The following CDH9 variants were observed in gnomAD, a reference collection of about 807,000 sequenced individuals.
The protein encoded by CDH9 is cadherin 9.
A neutral mutation model predicts 70.9 loss-of-function variants in CDH9; 28 were observed. That is an observed-to-expected ratio of 0.40 (90% CI 0.29 to 0.54). CDH9 has a LOEUF of 0.54. CDH9 is among the 20% of genes least tolerant of loss of function. The pLI, the probability that CDH9 is intolerant of heterozygous loss-of-function variation, is 0.59. For synonymous variants in CDH9, 409 were observed against 343.1 expected (o/e 1.19, Z -2.12); for missense variants, 874 against 984.4 (o/e 0.89, Z 1.50).
At chr5:27,035,689 TGTGTGTG>T (rs1561048614) in intron 1 of CDH9, among the ~76,000 whole-genome samples, 3,499 of 150,738 alleles carry the variant, frequency 0.023, 149 homozygotes, top group African/African-American at 0.082. Flanking sequence ...TGTGTGTGTG[TGTGTGTG>T]TGTGTGTGTG....
intron 2 of CDH9, among the ~76,000 whole-genome samples, chr5:26,958,636 T>C (rs1476297195): frequency 6.6e-6 from 1 of 152,184 alleles, no homozygotes; most frequent in Non-Finnish European, 1.5e-5. Flanking sequence ...AAGAAGACAC[T>C]GCCTCAGTAC....
intron 2 of CDH9, among the ~76,000 whole-genome samples, chr5:26,925,485 C>G (rs1030572586): frequency 6.6e-6 from 1 of 152,090 alleles, no homozygotes; most frequent in Non-Finnish European, 1.5e-5. Context: ...AATATTTTCT[C>G]CCATTCTGTA....
intron 1 of CDH9, among the ~76,000 whole-genome samples, chr5:27,006,224 G>A (rs2112110694): frequency 6.6e-6 from 1 of 152,084 alleles, no homozygotes; most frequent in Middle Eastern, 3.4e-3. Context: ...ATGAAAGAGA[G>A]GTTTAGATAA....
intron 1 of CDH9, among the ~76,000 whole-genome samples, chr5:26,990,659 C>A (rs563154183): frequency 3.3e-5 from 5 of 152,122 alleles, no homozygotes; most frequent in African/African-American, 1.2e-4. Flanking sequence ...CCAGAACATG[C>A]CCCATGTTTT....
At chr5:26,902,928 A>G in intron 6 of CDH9, 199 bp from the exon 7 acceptor site, 1 of 501,568 alleles carries the variant, frequency 2.0e-6, no homozygotes, top group Non-Finnish European at 3.5e-6. Context: ...TTAACTTAAT[A>G]TAATGGCATA....
At chr5:27,006,369 G>C (rs1382425290) in intron 1 of CDH9, among the ~76,000 whole-genome samples, 1 of 152,030 alleles carries the variant, frequency 6.6e-6, no homozygotes, top group East Asian at 1.9e-4. Flanking sequence ...GGGCTCACTA[G>C]TTCATTAGTC....
chr5:26,938,069 T>TG (rs1741591885), intron 2 of CDH9, among the ~76,000 whole-genome samples: 1 of 151,936 alleles, frequency 6.6e-6, no homozygotes, highest in Non-Finnish European at 1.5e-5. Context: ...AAAATTCTAC[T>TG]GGGGGCAAGG....
chr5:26,934,381 C>T (rs909316266), intron 2 of CDH9, among the ~76,000 whole-genome samples: 1 of 152,126 alleles, frequency 6.6e-6, no homozygotes, highest in East Asian at 1.9e-4. Context: ...GGTAGGATTG[C>T]TTGAGCCTGG....
At chr5:26,972,895 G>T (rs1396367349) in intron 2 of CDH9, among the ~76,000 whole-genome samples, 1 of 147,974 alleles carries the variant, frequency 6.8e-6, no homozygotes, top group Non-Finnish European at 1.5e-5. Context: ...ATGAAGTCTC[G>T]CTCTGTCACC....
chr5:26,933,205 A>G, intron 2 of CDH9, among the ~76,000 whole-genome samples: 1 of 149,370 alleles, frequency 6.7e-6, no homozygotes, highest in East Asian at 1.9e-4. Context: ...GTATTACGAA[A>G]TAAAATAATA....
At chr5:26,893,456 G>T (rs956650150) in intron 7 of CDH9, among the ~76,000 whole-genome samples, 1 of 152,118 alleles carries the variant, frequency 6.6e-6, no homozygotes, top group Non-Finnish European at 1.5e-5. Flanking sequence ...CACAACAGAA[G>T]TACATGCAAA....
At chr5:27,007,515 AT>A (rs1479222744) in intron 1 of CDH9, among the ~76,000 whole-genome samples, 1 of 152,132 alleles carries the variant, frequency 6.6e-6, no homozygotes, top group Non-Finnish European at 1.5e-5. Context: ...TTTATTATGA[AT>A]TTTTAAGAAA....
chr5:27,011,081 C>A (rs1045653658), intron 1 of CDH9, among the ~76,000 whole-genome samples: 1 of 151,910 alleles, frequency 6.6e-6, no homozygotes, highest in African/African-American at 2.4e-5. Context: ...AAGAATTCCA[C>A]GATTATTTCT....
chr5:27,029,843 T>C (rs1201303796), intron 1 of CDH9, among the ~76,000 whole-genome samples: 1 of 151,984 alleles, frequency 6.6e-6, no homozygotes, highest in Non-Finnish European at 1.5e-5. Context: ...CATTGCTTCC[T>C]ACACCTACAA....
At chr5:26,985,610 G>T (rs1362916393) in intron 2 of CDH9, among the ~76,000 whole-genome samples, 1 of 151,882 alleles carries the variant, frequency 6.6e-6, no homozygotes, top group Non-Finnish European at 1.5e-5. Context: ...TTAATATGTT[G>T]TCTATCATTT....
At chr5:26,885,508 G>T in intron 11 of CDH9, 106 bp downstream of exon 11, 1 of 958,026 alleles carries the variant, frequency 1.0e-6, no homozygotes, top group Non-Finnish European at 1.6e-6. Context: ...AAGTGAAAAT[G>T]TTCTATCTTT....
intron 1 of CDH9, among the ~76,000 whole-genome samples, chr5:27,004,592 ATAAAT>A (rs1742827092): frequency 6.6e-6 from 1 of 152,118 alleles, no homozygotes; most frequent in Non-Finnish European, 1.5e-5. Context: ...ACAACTGGAA[ATAAAT>A]TAATAGAAGT....
intron 2 of CDH9, among the ~76,000 whole-genome samples, chr5:26,934,023 A>G (rs1399769416): frequency 1.3e-5 from 2 of 152,120 alleles, no homozygotes; most frequent in Non-Finnish European, 2.9e-5. Context: ...GCATGGTGCC[A>G]GCATCTGCAT....
rs111851308 is a variant in CDH9 at position 26,936,231 on chromosome 5, G to A, written c.229-20307C>T. On this transcript the variant is annotated intron_variant, in intron 2 of 11. Transcript: ENST00000231021. ...CTTGTAGCCAAAACCGCCTGTATCCGCAAGCCATTTAAATAAAAATTTTTA... is the reference window on the plus strand; with the variant it reads ...CTTGTAGCCAAAACCGCCTGTATCCACAAGCCATTTAAATAAAAATTTTTA... Among the ~76,000 whole-genome samples, 1,033 of 152,052 alleles carry A rather than the reference G, an allele frequency of 6.8e-3. 7 individuals carry two copies. The highest frequency in any genetic ancestry group is 0.023 in the African/African-American group (954 of 41,480).
Sources: gnomAD v4.1 joint callset for allele counts (sites outside exome capture counted in the v4.1 genomes callset) on GRCh38, gnomAD v4.1.1 for gene constraint, MANE v1.5 for transcripts, NCBI Gene and HGNC (gene_info 2026-07-23, HGNC 2026-07-21) for gene names.